The following EML6 variants were observed in gnomAD, a reference collection of about 807,000 sequenced individuals.
EML6 encodes echinoderm microtubule-associated protein-like 6.
A neutral mutation model predicts 240.1 loss-of-function variants in EML6; 154 were observed. That is an observed-to-expected ratio of 0.64 (90% CI 0.56 to 0.73). The LOEUF is 0.73. Ranked by LOEUF, EML6 falls within the 30% of genes least tolerant of loss-of-function variation. The pLI is 0.00. For missense variants in EML6, 2,964 were observed against 2,474.6 expected (o/e 1.20, Z -4.20); for synonymous variants, 1,148 against 899.0 (o/e 1.28, Z -4.95).
At chr2:54,926,982 C>T (rs2104382149) in intron 26 of EML6, among the ~76,000 whole-genome samples, 2 of 152,346 alleles carry the variant, frequency 1.3e-5, no homozygotes, top group Admixed American at 1.3e-4. Context: ...AGTGTATAAA[C>T]TGGATGTGCT....
At chr2:54,751,562 G>A (rs370695597) in intron 2 of EML6, among the ~76,000 whole-genome samples, 2 of 152,134 alleles carry the variant, frequency 1.3e-5, no homozygotes, top group Admixed American at 6.5e-5. Flanking sequence ...CAAATGCTCC[G>A]CAGCACACAG....
chr2:54,788,415 G>A (rs1318527783), intron 2 of EML6, among the ~76,000 whole-genome samples: 1 of 152,184 alleles, frequency 6.6e-6, no homozygotes, highest in Non-Finnish European at 1.5e-5. Context: ...CACTATAACC[G>A]AGTTTTCTGT....
Position 54,724,215 on chromosome 2 carries a change from C to T in EML6, c.-513-334C>T, listed in dbSNP as rs1232166430. On this transcript the variant is annotated intron_variant, in intron 1 of 41. Transcript: ENST00000356458. This position sits in a 1 kb window ranked among gnomAD's most constrained non-coding sequence, Gnocchi z 5.2. Reference sequence around the variant, plus strand: ...ATGAGAGCTGCTAAGTTCTTTATGGCTTTCTCGGTGAAGAGAAGGTTCACG... The same window carrying T: ...ATGAGAGCTGCTAAGTTCTTTATGGTTTTCTCGGTGAAGAGAAGGTTCACG... 2.0e-5 allele frequency among the ~76,000 whole-genome samples: 3 copies of T among 152,042 alleles called. No homozygotes were observed. In the East Asian group the frequency reaches 5.8e-4, roughly 29 times the overall value.
At chr2:54,950,179 T>TG (rs1558718276) in intron 29 of EML6, among the ~76,000 whole-genome samples, 2 of 152,218 alleles carry the variant, frequency 1.3e-5, no homozygotes, top group Non-Finnish European at 2.9e-5. Flanking sequence ...GTAGCAACTT[T>TG]GTAGAGCAAG....
intron 14 of EML6, 52 bp from the exon 15 acceptor site, chr2:54,869,129 A>T (rs1055923057): frequency 7.8e-7 from 1 of 1,274,560 alleles, no homozygotes; most frequent in African/African-American, 1.5e-5. Flanking sequence ...CTCCTGCTCC[A>T]TGCATTTGCT....
At chr2:54,860,840 A>T (rs967014687) in intron 12 of EML6, among the ~76,000 whole-genome samples, 1 of 152,160 alleles carries the variant, frequency 6.6e-6, no homozygotes, top group African/African-American at 2.4e-5. Flanking sequence ...GGTTTATGCC[A>T]TGTGTTGAAT....
In EML6 at chr2:54,745,679, G is replaced by A. The variant is rs189746684; in HGVS notation, c.197+20421G>A. 2.3e-3 allele frequency among the ~76,000 whole-genome samples: 350 copies of A among 152,264 alleles called. 2 individuals are homozygous for A. Among genetic ancestry groups the A allele is most frequent in the African/African-American group, 8.0e-3 (334 of 41,542 alleles). On this transcript the variant is annotated intron_variant, in intron 2 of 41. Coordinates refer to ENST00000356458, the MANE Select transcript of EML6 (RefSeq NM_001039753.4). ...CTCTGTGGTCACAGCTGCTTGGGAG[G>A]CTGAGGAGAGAGTATTGCTTGAGCC...
intron 21 of EML6, among the ~76,000 whole-genome samples, chr2:54,897,889 T>C (rs928793715): frequency 5.3e-5 from 8 of 152,046 alleles, no homozygotes; most frequent in African/African-American, 1.7e-4. Context: ...TTCTGAGAGA[T>C]GATAGAGACA....
chr2:54,834,936 T>C (rs752983271), intron 7 of EML6, among the ~76,000 whole-genome samples: 1 of 152,206 alleles, frequency 6.6e-6, no homozygotes, highest in Non-Finnish European at 1.5e-5. Flanking sequence ...GATCACATAA[T>C]TGCTTTCCTC....
intron 36 of EML6, 115 bp from the exon 37 acceptor site, chr2:54,963,871 G>A (rs754901334): frequency 2.4e-6 from 2 of 835,784 alleles, no homozygotes; most frequent in African/African-American, 1.7e-5. Flanking sequence ...AAGAGATTTG[G>A]TGGCCTGCAG....
intron 8 of EML6, among the ~76,000 whole-genome samples, chr2:54,844,541 A>T (rs187419410): frequency 2.6e-5 from 4 of 152,208 alleles, no homozygotes; most frequent in African/African-American, 9.6e-5. Flanking sequence ...ACACTCATCT[A>T]TGATGAAACC....
At chr2:54,738,060 C>G (rs1289012080) in intron 2 of EML6, among the ~76,000 whole-genome samples, 1 of 152,200 alleles carries the variant, frequency 6.6e-6, no homozygotes, top group East Asian at 1.9e-4. Flanking sequence ...ACTGATTACT[C>G]TATTTAAAAT....
At chr2:54,796,081 A>G (rs1669751017) in intron 2 of EML6, among the ~76,000 whole-genome samples, 5 of 152,190 alleles carry the variant, frequency 3.3e-5, no homozygotes, top group African/African-American at 1.2e-4. Context: ...GAAAAATTAT[A>G]ACAAGGATTT....
At chr2:54,879,305 G>C (rs955627058) in intron 16 of EML6, among the ~76,000 whole-genome samples, 15 of 152,190 alleles carry the variant, frequency 9.9e-5, no homozygotes, top group African/African-American at 3.6e-4. Flanking sequence ...ATTTCATTCA[G>C]CGAGGTCCAT....
chr2:54,848,749 G>GA, intron 9 of EML6, among the ~76,000 whole-genome samples: 1 of 152,162 alleles, frequency 6.6e-6, no homozygotes, highest in East Asian at 1.9e-4. Flanking sequence ...CAATTGTAGG[G>GA]AAAAAACAAC....
intron 17 of EML6, chr2:54,881,314 TAAAG>T (rs764793342): frequency 4.6e-5 from 7 of 152,196 alleles, no homozygotes; most frequent in South Asian, 2.1e-4. Context: ...GACAAATAAA[TAAAG>T]CTTATATGTA....
At chr2:54,904,491 C>G (rs898067012) in intron 24 of EML6, among the ~76,000 whole-genome samples, 1 of 152,030 alleles carries the variant, frequency 6.6e-6, no homozygotes, top group Admixed American at 6.6e-5. Flanking sequence ...AAGGGAGTGA[C>G]CTTTGAGGTT....
Position 54,959,170 on chromosome 2 carries a change from C to T in EML6, c.4762C>T (p.Arg1588Trp), listed in dbSNP as rs918200146. ...VYVWKDHFLI[R>W]LVAKAHTGPV... ...CGTCTGGAAGGACCACTTCCTCATC[C>T]GGCTGGTGGCCAAGGCTCACACAGG... is the stretch of plus-strand genomic sequence containing the variant. The change falls in exon 34 of 42, where the codon CGG becomes TGG. Residue 1588 changes from arginine to tryptophan, a missense_variant. Coordinates refer to ENST00000356458, the MANE Select transcript of EML6 (RefSeq NM_001039753.4). 5 of 1,551,476 alleles carry T rather than the reference C, an allele frequency of 3.2e-6. No homozygotes were observed. Among genetic ancestry groups the T allele is most frequent in the South Asian group, 1.2e-5 (1 of 84,030 alleles).
chr2:54,914,500 A>G (rs1673804414), intron 25 of EML6, among the ~76,000 whole-genome samples: 1 of 152,228 alleles, frequency 6.6e-6, no homozygotes, highest in Non-Finnish European at 1.5e-5. Context: ...ATAAAAGATA[A>G]TGCACAAAAG....
Sources: allele counts gnomAD v4.1 joint callset (sites outside exome capture counted in the v4.1 genomes callset), GRCh38; gene constraint gnomAD v4.1.1; non-coding constraint Gnocchi (gnomAD v3.1); transcripts MANE v1.5; gene names NCBI Gene and HGNC (gene_info 2026-07-23, HGNC 2026-07-21).